The following PTGR1 variants were observed in gnomAD, a reference collection of about 807,000 sequenced individuals.
PTGR1 encodes prostaglandin reductase 1.
Under a neutral mutation model 37.7 loss-of-function variants are expected in PTGR1, and 23 were observed. The observed-to-expected ratio is 0.61, with a 90% CI of 0.44 to 0.86. PTGR1 has a LOEUF of 0.86. Among genes scored for constraint, PTGR1 ranks in the 40% least tolerant of loss-of-function variants. The probability of loss-of-function intolerance (pLI) is 0.00; values close to 1 mark genes in which losing one functional copy is unlikely to be tolerated. For missense variants in PTGR1, 351 were observed against 394.3 expected, an observed-to-expected ratio of 0.89 and a Z score of 0.93; for synonymous variants, 134 against 140.0, an observed-to-expected ratio of 0.96 and a Z score of 0.30.
downstream of PTGR1, among the ~76,000 whole-genome samples, chr9:111,558,208 G>A (rs1482710290): frequency 6.6e-6 from 1 of 152,164 alleles, no homozygotes; most frequent in Non-Finnish European, 1.5e-5. Flanking sequence ...TCAGGTATTT[G>A]TCTCAGTACG....
chr9:111,561,954 C>T (rs149276189), downstream of PTGR1, among the ~76,000 whole-genome samples: 648 of 150,106 alleles, frequency 4.3e-3, 10 homozygotes, highest in African/African-American at 0.015. Context: ...GGCACAATAT[C>T]GGCTCACTGC....
chr9:111,557,977 T>C (rs1197264101), downstream of PTGR1, among the ~76,000 whole-genome samples: 2 of 152,070 alleles, frequency 1.3e-5, no homozygotes, highest in African/African-American at 4.8e-5. Flanking sequence ...TGAAACTCTG[T>C]CTCTACTAAA....
chr9:111,554,275 C>T (rs1402036059), intron 9 of PTGR1, among the ~76,000 whole-genome samples: 2 of 151,924 alleles, frequency 1.3e-5, no homozygotes, highest in African/African-American at 4.8e-5. Flanking sequence ...TACTACAGAT[C>T]CTGTAACTAA....
At chr9:111,557,093 C>G (rs1828145371) in intron 9 of PTGR1, among the ~76,000 whole-genome samples, 1 of 152,318 alleles carries the variant, frequency 6.6e-6, no homozygotes, top group Non-Finnish European at 1.5e-5. Context: ...ATTGTCTTGG[C>G]TATTAACATT....
rs541944962 is a variant in PTGR1 at position 111,564,850 on chromosome 9, G to A, written c.880-1619C>T. On this transcript the variant is annotated intron_variant, in intron 9 of 9. Coordinates refer to ENST00000407693, the MANE Select transcript of PTGR1 (RefSeq NM_001146108.2). Reference sequence around the variant, plus strand: ...AAAAAAGGTAATTAAGAGGCCGGGCGCAGTGGCTCATGTCTGTAATCCCAG... The same window carrying A: ...AAAAAAGGTAATTAAGAGGCCGGGCACAGTGGCTCATGTCTGTAATCCCAG... Among the ~76,000 whole-genome samples the A allele has an allele frequency of 7.2e-5, 11 of 152,124 alleles. No individual in the cohort carries two copies. In the East Asian group the frequency reaches 9.7e-4, roughly 13 times the overall value.
chr9:111,573,783 C>T (rs1441604473), intron 8 of PTGR1, among the ~76,000 whole-genome samples: 1 of 152,124 alleles, frequency 6.6e-6, no homozygotes, highest in African/African-American at 2.4e-5. Context: ...TCTCACAGGA[C>T]TGGGATTTAA....
At chr9:111,599,345 T>G (rs1225298924) in intron 1 of PTGR1, 1 of 152,396 alleles carries the variant, frequency 6.6e-6, no homozygotes, top group Non-Finnish European at 1.5e-5. Flanking sequence ...CTACCGGGTG[T>G]CCCGGGTTGT....
At chr9:111,580,924 A>G (rs1360818827) in intron 6 of PTGR1, among the ~76,000 whole-genome samples, 3 of 152,230 alleles carry the variant, frequency 2.0e-5, no homozygotes. Flanking sequence ...AAGCAGAACC[A>G]ATCATGTTAC....
chr9:111,590,896 A>G (rs1829590629), intron 4 of PTGR1, among the ~76,000 whole-genome samples: 2 of 152,224 alleles, frequency 1.3e-5, no homozygotes, highest in African/African-American at 2.4e-5. Context: ...AATAACTTGC[A>G]GCTATTAAAA....
chr9:111,566,949 T>G (rs1254716008), intron 9 of PTGR1, among the ~76,000 whole-genome samples: 4 of 151,872 alleles, frequency 2.6e-5, no homozygotes, highest in Non-Finnish European at 4.4e-5. Context: ...ACTAGCCAGG[T>G]GTGGTGGCAC....
chr9:111,562,237 GA>G (rs1222508020), downstream of PTGR1, among the ~76,000 whole-genome samples: 3 of 151,162 alleles, frequency 2.0e-5, no homozygotes, highest in African/African-American at 7.3e-5. Flanking sequence ...TCACTTTAAA[GA>G]TGAAAAATCA....
At chr9:111,583,445 G>A (rs1177392964) in intron 6 of PTGR1, 27 bp downstream of exon 6, 2 of 1,540,780 alleles carry the variant, frequency 1.3e-6, no homozygotes, top group Non-Finnish European at 1.8e-6. Flanking sequence ...TTTGAATAAA[G>A]GCTTGTTACT....
chr9:111,576,870 C>G (rs1455776696), intron 7 of PTGR1: 1 of 152,868 alleles, frequency 6.5e-6, no homozygotes, highest in African/African-American at 2.4e-5. Context: ...GCAGGTGGAT[C>G]ACCTGAGGTC....
intron 9 of PTGR1, among the ~76,000 whole-genome samples, chr9:111,564,422 C>G (rs1048558124): frequency 6.6e-6 from 1 of 151,834 alleles, no homozygotes; most frequent in African/African-American, 2.4e-5. Context: ...CCTTCTGCCT[C>G]AGCCTCCTGA....
Position 111,578,861 on chromosome 9 carries a change from C to T in PTGR1, c.586G>A (p.Val196Ile). The change falls in exon 7 of 10, where the codon GTA (valine) becomes ATA (isoleucine). Residue 196 changes from valine (V) to isoleucine (I), a missense_variant. Val to Ile is a conservative substitution (Grantham distance 29). Transcript: ENST00000407693. ...TTCAAGGTTTCTTCCAAAGACTCTA[C>T]CGTCTTGTAGTTAAAGACGACATCA... ...GFDVVFNYKTVESLEETLKKA... is the reference protein window; with the variant it reads ...GFDVVFNYKTIESLEETLKKA... 1 of 1,612,824 alleles carries T rather than the reference C, an allele frequency of 6.2e-7. No individual in the cohort carries two copies. Among genetic ancestry groups the T allele is most frequent in the Non-Finnish European group, 8.5e-7 (1 of 1,179,278 alleles).
At chr9:111,586,309 T>C in intron 4 of PTGR1, 144 bp from the exon 5 acceptor site, 1 of 807,072 alleles carries the variant, frequency 1.2e-6, no homozygotes, top group Non-Finnish European at 2.0e-6. Flanking sequence ...CTCTCCATCT[T>C]AATTCTTAGC....
At chr9:111,574,874 A>G (rs751369491) in intron 7 of PTGR1, 32 bp from the exon 8 acceptor site, 9 of 1,484,154 alleles carry the variant, frequency 6.1e-6, no homozygotes, top group Non-Finnish European at 1.9e-6. Flanking sequence ...AATGTTAAAT[A>G]ATCTAAATAC....
intron 9 of PTGR1, among the ~76,000 whole-genome samples, chr9:111,555,463 T>A (rs973963853): frequency 6.6e-6 from 1 of 152,184 alleles, no homozygotes; most frequent in African/African-American, 2.4e-5. Context: ...TAATAAAATT[T>A]TTCCTCTAAA....
At chr9:111,577,345 C>T (rs1829103791) in intron 7 of PTGR1, 1 of 152,092 alleles carries the variant, frequency 6.6e-6, no homozygotes, top group Non-Finnish European at 1.5e-5. Flanking sequence ...AGTTGGAACC[C>T]TCATACACTG....
Sources: gnomAD v4.1 joint callset for allele counts (sites outside exome capture counted in the v4.1 genomes callset) on GRCh38, gnomAD v4.1.1 for gene constraint, MANE v1.5 for transcripts, NCBI Gene and HGNC (gene_info 2026-07-23, HGNC 2026-07-21) for gene names.